Variants in STK3 observed in about 807,000 individuals in gnomAD.
The protein encoded by STK3 is serine/threonine-protein kinase 3.
A neutral mutation model predicts 58.0 loss-of-function variants in STK3; 41 were observed. The ratio of observed to expected loss-of-function variants is 0.71; its 90% confidence interval spans 0.55 to 0.92. The LOEUF (loss-of-function observed/expected upper bound fraction) is 0.92. Ranked by LOEUF, STK3 falls within the 40% of genes least tolerant of loss-of-function variation. The pLI is 0.00. For synonymous variants in STK3, 170 were observed against 191.0 expected (o/e 0.89, Z 0.91); for missense variants, 479 against 602.7 (o/e 0.79, Z 2.15).
chr8:98,594,467 GCA>G (rs1815628765), intron 7 of STK3, among the ~76,000 whole-genome samples: 1 of 151,954 alleles, frequency 6.6e-6, no homozygotes, highest in Non-Finnish European at 1.5e-5. Flanking sequence ...AGGCATGGTG[GCA>G]CACACCTGTA....
chr8:98,774,655 A>T (rs1831542792), intron 2 of STK3, 84 bp downstream of exon 2: 1 of 929,666 alleles, frequency 1.1e-6, no homozygotes, highest in Non-Finnish European at 1.6e-6. Flanking sequence ...ATACGAATAT[A>T]CTCTAGTTGA....
In STK3 at chr8:98,873,943, G is replaced by A. The variant is rs548428085; in HGVS notation, c.110+9704C>T. 2.6e-5 allele frequency among the ~76,000 whole-genome samples: 4 copies of A among 152,284 alleles called. No individual in the cohort carries two copies. The South Asian group carries it at 8.3e-4, about 32-fold the overall frequency. On this transcript the variant is annotated intron_variant, in intron 3 of 12. Transcript: ENST00000523601. ...ATGCAGTTTCTTCCCAGTATCAATGGTCTTTACAATCTGGCTTGTTTTTGC... is the reference window on the plus strand; with the variant it reads ...ATGCAGTTTCTTCCCAGTATCAATGATCTTTACAATCTGGCTTGTTTTTGC...
chr8:98,928,303 A>G (rs114767231), intron 1 of STK3, among the ~76,000 whole-genome samples: 285 of 152,332 alleles, frequency 1.9e-3, no homozygotes, highest in African/African-American at 6.7e-3. Context: ...CCAGGAGAAA[A>G]TGTTTACTCT....
intron 8 of STK3, among the ~76,000 whole-genome samples, chr8:98,557,905 G>A (rs1222794940): frequency 6.6e-6 from 1 of 152,018 alleles, no homozygotes; most frequent in Non-Finnish European, 1.5e-5. Flanking sequence ...AGTATAACAA[G>A]CCTAATTGGT....
chr8:98,774,966 T>G, intron 1 of STK3, 147 bp from the exon 2 acceptor site: 1 of 510,332 alleles, frequency 2.0e-6, no homozygotes, highest in East Asian at 3.4e-5. Flanking sequence ...TAGTAAACAT[T>G]CTCCTTTCAA....
chr8:98,854,728 C>G (rs1054503783), intron 3 of STK3, among the ~76,000 whole-genome samples: 1 of 152,084 alleles, frequency 6.6e-6, no homozygotes, highest in Admixed American at 6.6e-5. Flanking sequence ...GTCCCATGTT[C>G]ATGGATCAAA....
chr8:98,480,046 A>C (rs899646846), intron 10 of STK3, among the ~76,000 whole-genome samples: 3 of 152,148 alleles, frequency 2.0e-5, no homozygotes, highest in Admixed American at 1.3e-4. Context: ...TCTGAAGAGG[A>C]GAGAGAAAAA....
intron 4 of STK3, among the ~76,000 whole-genome samples, chr8:98,719,270 T>G (rs1827237076): frequency 6.6e-6 from 1 of 152,222 alleles, no homozygotes; most frequent in Non-Finnish European, 1.5e-5. Flanking sequence ...CATCAGCCCA[T>G]AAAATTGTGT....
intron 3 of STK3, chr8:98,427,282 T>C (rs1163752868): frequency 1.3e-5 from 2 of 150,836 alleles, no homozygotes; most frequent in South Asian, 2.1e-4. Flanking sequence ...CGCCCGCGGG[T>C]TGGGGAAGTT....
chr8:98,851,260 T>C (rs1184645626), intron 3 of STK3, among the ~76,000 whole-genome samples: 1 of 152,184 alleles, frequency 6.6e-6, no homozygotes, highest in Non-Finnish European at 1.5e-5. Flanking sequence ...GAGTAGGAGC[T>C]TAAGAGCATG....
intron 6 of STK3, among the ~76,000 whole-genome samples, chr8:98,667,133 AAGAC>A (rs1291046804): frequency 3.3e-5 from 5 of 152,180 alleles, no homozygotes; most frequent in Admixed American, 3.3e-4. Flanking sequence ...ATAACTAAGA[AAGAC>A]AAACTAAAAC....
At chr8:98,351,292 T>C in the STK3 span, among the ~76,000 whole-genome samples, 1 of 152,310 alleles carries the variant, frequency 6.6e-6, no homozygotes, top group Non-Finnish European at 1.5e-5. Flanking sequence ...TGAGTGCTAA[T>C]GATAAAGTGT....
chr8:98,867,427 T>A (rs1006408671), intron 3 of STK3, among the ~76,000 whole-genome samples: 4 of 152,112 alleles, frequency 2.6e-5, no homozygotes, highest in African/African-American at 9.7e-5. Flanking sequence ...AAAAATAATT[T>A]TTTTAAAAGG....
chr8:98,395,278 G>A (rs200156324), intron 3 of STK3, among the ~76,000 whole-genome samples: 1 of 151,666 alleles, frequency 6.6e-6, no homozygotes, highest in Admixed American at 6.6e-5. Flanking sequence ...TTACAAAAAC[G>A]AGGAAAAATT....
chr8:98,354,373 C>T, the STK3 span, among the ~76,000 whole-genome samples: 1 of 152,158 alleles, frequency 6.6e-6, no homozygotes, highest in Non-Finnish European at 1.5e-5. Context: ...AGAGGACACA[C>T]CCTCCTCTCC....
At chr8:98,436,409 A>C (rs1818491877) in intron 2 of STK3, among the ~76,000 whole-genome samples, 2 of 152,124 alleles carry the variant, frequency 1.3e-5, no homozygotes, top group Non-Finnish European at 2.9e-5. Context: ...CACCCTCTCT[A>C]AAATGGAATT....
chr8:98,750,520 G>A (rs1829906367), intron 3 of STK3, among the ~76,000 whole-genome samples: 1 of 151,734 alleles, frequency 6.6e-6, no homozygotes, highest in Admixed American at 6.6e-5. Flanking sequence ...ATCAATTGTG[G>A]AGGTTAAGAG....
chr8:98,499,830 T>A (rs1823432373), intron 10 of STK3, among the ~76,000 whole-genome samples: 1 of 152,190 alleles, frequency 6.6e-6, no homozygotes, highest in Non-Finnish European at 1.5e-5. Flanking sequence ...GATCTTGGAC[T>A]TTTGAGCTGA....
At chr8:98,645,761 C>T (rs1405750234) in intron 6 of STK3, among the ~76,000 whole-genome samples, 4 of 151,910 alleles carry the variant, frequency 2.6e-5, no homozygotes, top group Non-Finnish European at 5.9e-5. Context: ...TCTGATTTTA[C>T]AAAACACTTT....
Sources: allele counts gnomAD v4.1 joint callset (sites outside exome capture counted in the v4.1 genomes callset), GRCh38; gene constraint gnomAD v4.1.1; transcripts MANE v1.5; gene names NCBI Gene and HGNC (gene_info 2026-07-23, HGNC 2026-07-21).